The following CLVS1 variants were observed in gnomAD, a reference collection of about 807,000 sequenced individuals.
CLVS1 encodes clavesin 1, also known as clavesin-1.
In CLVS1, 10 loss-of-function variants were observed where a neutral mutation model predicts 33.1. The ratio of observed to expected loss-of-function variants is 0.30; its 90% confidence interval spans 0.19 to 0.51. CLVS1 has a LOEUF of 0.51. Ranked by LOEUF, CLVS1 falls within the 20% of genes least tolerant of loss-of-function variation. The pLI, the probability that CLVS1 is intolerant of heterozygous loss-of-function variation, is 0.97. For synonymous variants in CLVS1, 163 were observed against 166.1 expected (o/e 0.98, Z 0.14); for missense variants, 343 against 433.4 (o/e 0.79, Z 1.85).
chr8:61,253,434 A>G lies in CLVS1; in HGVS notation c.-151-46243A>G, dbSNP rs545924132. Among the ~76,000 whole-genome samples, 96 of 152,220 alleles carry G rather than the reference A, an allele frequency of 6.3e-4. 1 individual carries two copies. Among genetic ancestry groups the G allele is most frequent in the Admixed American group, 7.2e-4 (11 of 15,290 alleles). On this transcript the variant is annotated intron_variant, in intron 2 of 2. Transcript: ENST00000522621. The stretch of plus-strand genomic sequence containing the variant: ...TCTTCTCGAGGAGTAACTTTGTGGC[A>G]TTCTCTGTATTTCCTGAATTTGAAT...
chr8:61,169,456 G>GA (rs376533567), intron 2 of CLVS1, among the ~76,000 whole-genome samples: 4 of 151,528 alleles, frequency 2.6e-5, no homozygotes, highest in Non-Finnish European at 5.9e-5. Context: ...CAACTGCCAG[G>GA]AAAAAAAAGA....
At chr8:61,226,383 G>T (rs573349239) in intron 2 of CLVS1, among the ~76,000 whole-genome samples, 73 of 152,304 alleles carry the variant, frequency 4.8e-4, no homozygotes, top group Middle Eastern at 3.4e-3. Context: ...TCAGAAAATT[G>T]ACTGCGTTCT....
chr8:61,127,846 A>T (rs371562520), intron 1 of CLVS1, among the ~76,000 whole-genome samples: 1 of 152,224 alleles, frequency 6.6e-6, no homozygotes, highest in Non-Finnish European at 1.5e-5. Context: ...TAAGACAAAT[A>T]CTACTAGCAT....
At chr8:61,386,553 C>T (rs1178625543) in intron 3 of CLVS1, among the ~76,000 whole-genome samples, 1 of 152,146 alleles carries the variant, frequency 6.6e-6, no homozygotes, top group Non-Finnish European at 1.5e-5. Flanking sequence ...GGATGGTACC[C>T]AGGCAATCCT....
chr8:61,264,095 C>T lies in CLVS1; in HGVS notation c.-151-35582C>T, dbSNP rs190615762. 1.9e-3 allele frequency among the ~76,000 whole-genome samples: 296 copies of T among 152,180 alleles called. 1 individual carries two copies. The highest frequency in any genetic ancestry group is 6.8e-3 in the African/African-American group (283 of 41,538). On this transcript the variant is annotated intron_variant, in intron 2 of 2. Coordinates refer to the CLVS1 transcript ENST00000522621. ...TGAAAAGGAGGTATCAGAACAGATACCCTCATGCCAAAATGAAGAGAACCT... is the reference window on the plus strand; with the variant it reads ...TGAAAAGGAGGTATCAGAACAGATATCCTCATGCCAAAATGAAGAGAACCT...
chr8:61,224,078 T>A (rs2129310391), intron 2 of CLVS1, among the ~76,000 whole-genome samples: 1 of 152,298 alleles, frequency 6.6e-6, no homozygotes, highest in Admixed American at 6.5e-5. Context: ...TAACCTTTTA[T>A]CAAGGTTCTT....
chr8:61,423,907 T>C (rs1815778947), intron 3 of CLVS1, among the ~76,000 whole-genome samples: 1 of 152,146 alleles, frequency 6.6e-6, no homozygotes, highest in Admixed American at 6.5e-5. Flanking sequence ...TTTCTGTATG[T>C]GGCAAAGGTA....
At chr8:61,186,104 T>A (rs1055278040) in intron 2 of CLVS1, among the ~76,000 whole-genome samples, 7 of 152,142 alleles carry the variant, frequency 4.6e-5, no homozygotes, top group Non-Finnish European at 5.9e-5. Context: ...AGAATTTATG[T>A]CTCTCTGACA....
chr8:61,205,109 T>G (rs1043197578), intron 2 of CLVS1, among the ~76,000 whole-genome samples: 2 of 152,172 alleles, frequency 1.3e-5, no homozygotes, highest in Non-Finnish European at 1.5e-5. Flanking sequence ...TGTTTAAAAA[T>G]TTTAAAAAAA....
At chr8:61,250,815 G>A (rs1053442299) in intron 2 of CLVS1, among the ~76,000 whole-genome samples, 1 of 152,176 alleles carries the variant, frequency 6.6e-6, no homozygotes, top group Non-Finnish European at 1.5e-5. Flanking sequence ...GAGATTTAGG[G>A]CTGAGAGGAT....
chr8:60,996,044 G>A, the CLVS1 span, among the ~76,000 whole-genome samples: 1 of 152,154 alleles, frequency 6.6e-6, no homozygotes, highest in Admixed American at 6.5e-5. Flanking sequence ...GATAGCATTG[G>A]GAGATATACC....
intron 1 of CLVS1, among the ~76,000 whole-genome samples, chr8:61,071,778 T>G (rs1372166528): frequency 2.0e-5 from 3 of 152,196 alleles, no homozygotes; most frequent in Non-Finnish European, 4.4e-5. Context: ...TAATAAGACA[T>G]TTTCCTTTAA....
chr8:61,338,893 G>C (rs1028740479), intron 2 of CLVS1, among the ~76,000 whole-genome samples: 1 of 152,122 alleles, frequency 6.6e-6, no homozygotes, highest in Non-Finnish European at 1.5e-5. Flanking sequence ...CAGTGGCAAC[G>C]CATGGACTAA....
upstream of CLVS1, among the ~76,000 whole-genome samples, chr8:61,286,437 G>A (rs553963294): frequency 6.6e-5 from 10 of 152,214 alleles, no homozygotes; most frequent in South Asian, 1.0e-3. Context: ...AAATTCCTTC[G>A]CTTGCTGCAA....
chr8:61,031,359 T>A, the CLVS1 span, among the ~76,000 whole-genome samples: 6 of 152,228 alleles, frequency 3.9e-5, no homozygotes, highest in African/African-American at 1.4e-4. Context: ...ATGGGCTTCC[T>A]GGTGCCATCT....
chr8:61,200,607 T>C (rs542898461), intron 2 of CLVS1, among the ~76,000 whole-genome samples: 2 of 152,220 alleles, frequency 1.3e-5, no homozygotes, highest in Non-Finnish European at 2.9e-5. Context: ...TTTGAGCAAG[T>C]TTTGTAAAGT....
At chr8:61,060,158 C>T (rs1160799887) in intron 1 of CLVS1, among the ~76,000 whole-genome samples, 1 of 152,120 alleles carries the variant, frequency 6.6e-6, no homozygotes, top group Non-Finnish European at 1.5e-5. Flanking sequence ...CAGCTTAGTC[C>T]TTACCCTAAT....
At chr8:61,040,799 T>TAGTTTCTTTCACCGTGC in the CLVS1 span, among the ~76,000 whole-genome samples, 3 of 152,200 alleles carry the variant, frequency 2.0e-5, no homozygotes, top group Non-Finnish European at 4.4e-5. Context: ...ACTCTGTTGA[T>TAGTTTCTTTCACCGTGC]AGTTTCTTTC....
intron 1 of CLVS1, among the ~76,000 whole-genome samples, chr8:61,090,477 G>A (rs1230865557): frequency 2.0e-5 from 3 of 152,034 alleles, no homozygotes; most frequent in South Asian, 4.2e-4. Flanking sequence ...AAATTCGATA[G>A]GCAGAAAACA....
Sources: gnomAD v4.1 joint callset for allele counts (sites outside exome capture counted in the v4.1 genomes callset) on GRCh38, gnomAD v4.1.1 for gene constraint, MANE v1.5 for transcripts, NCBI Gene and HGNC (gene_info 2026-07-23, HGNC 2026-07-21) for gene names.